Variants in OPRM1 observed in about 807,000 individuals in gnomAD.
OPRM1 encodes the protein mu-type opioid receptor.
OPRM1 carries 27 observed loss-of-function variants against 31.8 expected under a neutral mutation model. That is an observed-to-expected ratio of 0.85 (90% CI 0.63 to 1.17). OPRM1 has a LOEUF of 1.17. OPRM1 is among the 50% of genes most tolerant of loss of function. The pLI, the probability that OPRM1 is intolerant of heterozygous loss-of-function variation, is 0.00. For synonymous variants in OPRM1, 196 were observed against 189.9 expected, an observed-to-expected ratio of 1.03 and a Z score of -0.26; for missense variants, 536 against 511.1, an observed-to-expected ratio of 1.05 and a Z score of -0.47.
chr6:154,015,921 C>T (rs1484242959), intron 1 of OPRM1, among the ~76,000 whole-genome samples: 1 of 151,918 alleles, frequency 6.6e-6, no homozygotes, highest in Non-Finnish European at 1.5e-5. Context: ...CATTTCTCAC[C>T]TACTAGATCA....
At chr6:154,161,214 C>CT (rs1669028222) in intron 3 of OPRM1, among the ~76,000 whole-genome samples, 7 of 146,490 alleles carry the variant, frequency 4.8e-5, no homozygotes, top group Admixed American at 6.8e-5. Flanking sequence ...CTTTTCTTTT[C>CT]ATTTTTTTTT....
At chr6:154,024,367 C>A (rs895831587) in intron 1 of OPRM1, among the ~76,000 whole-genome samples, 3 of 151,928 alleles carry the variant, frequency 2.0e-5, no homozygotes, top group Admixed American at 2.0e-4. Context: ...TGAATTTCTG[C>A]AGTATCAGTT....
chr6:154,027,240 T>C (rs1355396149), intron 1 of OPRM1, among the ~76,000 whole-genome samples: 2 of 152,228 alleles, frequency 1.3e-5, no homozygotes, highest in African/African-American at 4.8e-5. Flanking sequence ...TTTGACAAGA[T>C]CTGGAAAACT....
At chr6:154,152,347 G>GAAAGAAAGAAAGAAAGGAAAGAAAGAAA in intron 3 of OPRM1, among the ~76,000 whole-genome samples, 1 of 65,196 alleles carries the variant, frequency 1.5e-5, no homozygotes, top group African/African-American at 5.6e-5. Flanking sequence ...AAGAAAGAAA[G>GAAAGAAAGAAAGAAAGGAAAGAAAGAAA]GAAAGAAAGA....
At chr6:154,182,916 A>C (rs4318891) in intron 3 of OPRM1, among the ~76,000 whole-genome samples, 94,993 of 152,148 alleles carry the variant, frequency 0.62, 30,415 homozygotes, top group African/African-American at 0.75. Context: ...GAAAGGAAGA[A>C]GTTAGCTTAT....
chr6:154,100,077 CATATT>C (rs1436040520), intron 3 of OPRM1, among the ~76,000 whole-genome samples: 1 of 117,190 alleles, frequency 8.5e-6, no homozygotes, highest in Non-Finnish European at 1.6e-5. Context: ...TGATATATAT[CATATT>C]ATATATTATC....
At chr6:154,146,377 G>A in intron 3 of OPRM1, among the ~76,000 whole-genome samples, 1 of 152,142 alleles carries the variant, frequency 6.6e-6, no homozygotes, top group Non-Finnish European at 1.5e-5. Flanking sequence ...TCTAGTCTGG[G>A]CAACAGAACA....
rs762007989 is a variant in OPRM1 at position 154,235,542 on chromosome 6, A to AT, written c.1165-11151_1165-11150insT. On this transcript the variant is annotated intron_variant, in intron 3 of 3. Transcript: ENST00000337049. ...GCAAAACTCTGTCACAAAAAAAAAA[A>AT]AAAAAAAAAGTAATGAAGACAAAGT... Among the ~76,000 whole-genome samples, 279 of 149,640 alleles carry AT rather than the reference A, an allele frequency of 1.9e-3. 3 individuals carry two copies. The highest frequency in any genetic ancestry group is 3.3e-3 in the Non-Finnish European group (225 of 67,720).
chr6:154,031,719 T>C (rs952055865), intron 1 of OPRM1, among the ~76,000 whole-genome samples: 14 of 152,190 alleles, frequency 9.2e-5, no homozygotes, highest in Admixed American at 2.6e-4. Context: ...CCAGCCTGGG[T>C]GACAGAGTGA....
chr6:154,041,488 AATC>A (rs1458098291), intron 1 of OPRM1, among the ~76,000 whole-genome samples: 2 of 152,190 alleles, frequency 1.3e-5, no homozygotes, highest in African/African-American at 2.4e-5. Flanking sequence ...AAATTCATAG[AATC>A]ATAAACTAAT....
At chr6:154,141,419 G>C (rs1484969637) in intron 3 of OPRM1, among the ~76,000 whole-genome samples, 1 of 152,134 alleles carries the variant, frequency 6.6e-6, no homozygotes, top group Non-Finnish European at 1.5e-5. Flanking sequence ...ATGGGGGTGG[G>C]GCTGGTGGTA....
At chr6:154,021,265 A>G (rs753555318) in intron 1 of OPRM1, among the ~76,000 whole-genome samples, 1 of 152,208 alleles carries the variant, frequency 6.6e-6, no homozygotes, top group Non-Finnish European at 1.5e-5. Flanking sequence ...ATCAGTTGAT[A>G]GTATTTATAT....
intron 3 of OPRM1, chr6:154,223,026 T>C (rs1429196842): frequency 1.5e-6 from 1 of 673,198 alleles, no homozygotes. Context: ...TATTTCTATG[T>C]AGGGTGCCAA....
At chr6:154,189,967 G>A (rs9478514) in intron 3 of OPRM1, among the ~76,000 whole-genome samples, 13,598 of 151,358 alleles carry the variant, frequency 0.09, 888 homozygotes, top group African/African-American at 0.18. Context: ...ACATCACACC[G>A]TACCACATTA....
At chr6:154,025,255 C>T (rs1583139996) in intron 1 of OPRM1, among the ~76,000 whole-genome samples, 1 of 152,004 alleles carries the variant, frequency 6.6e-6, no homozygotes. Context: ...GAAGTGACCC[C>T]TTTATCATTA....
At chr6:154,211,494 A>G (rs1336695509) in intron 3 of OPRM1, among the ~76,000 whole-genome samples, 1 of 152,112 alleles carries the variant, frequency 6.6e-6, no homozygotes, top group African/African-American at 2.4e-5. Flanking sequence ...CTCACTGGAC[A>G]CTTGAGCATG....
At chr6:154,201,722 C>T (rs933805235) in intron 3 of OPRM1, among the ~76,000 whole-genome samples, 3 of 152,144 alleles carry the variant, frequency 2.0e-5, no homozygotes, top group African/African-American at 7.2e-5. Context: ...TGGCGAAACC[C>T]CGTCTCTACT....
rs1401948701 is a variant in OPRM1, at chr6:154,128,913, T to C, written c.*10192T>C. Among the ~76,000 whole-genome samples, 2 of 150,198 alleles carry C rather than the reference T, an allele frequency of 1.3e-5. No homozygotes were observed. Among genetic ancestry groups the C allele is most frequent in the Non-Finnish European group, 3.0e-5 (2 of 67,776 alleles). ...GGAAATTAATGTTAAATTGGATCTA[T>C]AAACATAAGTCAATTTGGCTCTATT... On this transcript the variant is annotated 3_prime_UTR_variant, in exon 4 of 4. Transcript: ENST00000330432.
At position 154,130,403 on chromosome 6, in the gene OPRM1, C is replaced by T. The variant is rs377761703; in HGVS notation, c.*11682C>T. Among the ~76,000 whole-genome samples, 53 of 152,112 alleles carry T rather than the reference C, an allele frequency of 3.5e-4. No homozygotes were observed. In the South Asian group the frequency reaches 9.8e-3, roughly 28 times the overall value. ...CAGGATGGTTTCGATCTCCTGACCT[C>T]GTGATCTGCCTGCCTCGGCCTCCCA... On this transcript the variant is annotated 3_prime_UTR_variant, in exon 4 of 4. Coordinates refer to ENST00000330432, the MANE Select transcript of OPRM1 (RefSeq NM_000914.5).
Sources: allele counts gnomAD v4.1 joint callset (sites outside exome capture counted in the v4.1 genomes callset), GRCh38; gene constraint gnomAD v4.1.1; transcripts MANE v1.5; gene names NCBI Gene and HGNC (gene_info 2026-07-23, HGNC 2026-07-21).